The following DYM variants were observed in gnomAD, a reference collection of about 807,000 sequenced individuals.
The protein encoded by DYM is dymeclin.
Under a neutral mutation model 93.1 loss-of-function variants are expected in DYM, and 78 were observed. The ratio of observed to expected loss-of-function variants is 0.84; its 90% CI spans 0.70 to 1.01. The LOEUF (loss-of-function observed/expected upper bound fraction) is 1.01. Among genes scored for constraint, DYM ranks in the 50% least tolerant of loss-of-function variants. The pLI, the probability that DYM is intolerant of heterozygous loss-of-function variation, is 0.00. For synonymous variants in DYM, 321 were observed against 319.7 expected (o/e 1.00, Z -0.04); for missense variants, 789 against 845.0 (o/e 0.93, Z 0.82).
intron 2 of DYM, among the ~76,000 whole-genome samples, chr18:49,394,798 C>T (rs1263635295): frequency 2.0e-5 from 3 of 151,958 alleles, no homozygotes; most frequent in African/African-American, 7.3e-5. Context: ...AAATGTATTA[C>T]CTTATTTCTT....
In DYM at chr18:49,052,610, T is replaced by C. The variant is rs116069930; in HGVS notation, c.2026-8406A>G. ...TCCAACTTCTTCACTTGAGAGTGTC[T>C]TCATCTCTGCCATGGCCAACAAACC... On this transcript the variant is annotated intron_variant, in intron 17 of 17. Coordinates refer to ENST00000675505, the MANE Select transcript of DYM (RefSeq NM_001353214.3). Among the ~76,000 whole-genome samples the C allele has an allele frequency of 6.1e-3, 928 of 152,312 alleles. 8 individuals are homozygous for C. Among genetic ancestry groups the C allele is most frequent in the African/African-American group, 0.022 (894 of 41,572 alleles).
At chr18:49,147,431 T>G (rs191715306) in intron 15 of DYM, among the ~76,000 whole-genome samples, 1 of 152,156 alleles carries the variant, frequency 6.6e-6, no homozygotes, top group East Asian at 1.9e-4. Flanking sequence ...GGGAGAAAAT[T>G]TTTGCAGTCT....
intron 6 of DYM, among the ~76,000 whole-genome samples, chr18:49,346,292 T>C (rs529437703): frequency 6.6e-6 from 1 of 152,254 alleles, no homozygotes; most frequent in East Asian, 1.9e-4. Flanking sequence ...CTTTTCAGCA[T>C]AAAAAAGAAT....
chr18:49,135,407 C>T (rs1454146860), intron 15 of DYM, among the ~76,000 whole-genome samples: 1 of 152,126 alleles, frequency 6.6e-6, no homozygotes, highest in Non-Finnish European at 1.5e-5. Context: ...AATCCTTGTT[C>T]TACTATTTAC....
chr18:49,318,030 C>A (rs1177711365), intron 8 of DYM, among the ~76,000 whole-genome samples: 1 of 152,108 alleles, frequency 6.6e-6, no homozygotes, highest in Non-Finnish European at 1.5e-5. Flanking sequence ...ATAGACCCTA[C>A]CATCTCTCCA....
At chr18:49,209,877 A>C (rs1212441206) in intron 13 of DYM, among the ~76,000 whole-genome samples, 162 bp from the exon 14 acceptor site, 1 of 152,230 alleles carries the variant, frequency 6.6e-6, no homozygotes, top group Non-Finnish European at 1.5e-5. Flanking sequence ...GAAAATGAAC[A>C]ATCAGAATAA....
At chr18:49,371,727 T>C (rs562205903) in intron 5 of DYM, among the ~76,000 whole-genome samples, 1 of 152,344 alleles carries the variant, frequency 6.6e-6, no homozygotes, top group Non-Finnish European at 1.5e-5. Context: ...TAGTTTTGCC[T>C]AGGGCTGGCT....
chr18:49,140,444 CCA>C (rs1460821715), intron 15 of DYM, among the ~76,000 whole-genome samples: 5 of 152,212 alleles, frequency 3.3e-5, no homozygotes, highest in African/African-American at 9.6e-5. Flanking sequence ...GGAAATAATT[CCA>C]GTGTTATGAT....
chr18:49,335,156 A>G (rs1030621533), intron 6 of DYM, among the ~76,000 whole-genome samples: 7 of 152,260 alleles, frequency 4.6e-5, no homozygotes, highest in South Asian at 4.1e-4. Flanking sequence ...AAAATGACAT[A>G]TAAAAAAAGA....
intron 9 of DYM, among the ~76,000 whole-genome samples, chr18:49,285,544 C>G (rs143750045): frequency 5.4e-4 from 83 of 152,326 alleles, no homozygotes; most frequent in African/African-American, 1.9e-3. Flanking sequence ...CAAATACTTA[C>G]CACTGTGTTA....
intron 3 of DYM, among the ~76,000 whole-genome samples, chr18:49,380,582 T>A (rs2067952085): frequency 6.6e-6 from 1 of 152,226 alleles, no homozygotes; most frequent in African/African-American, 2.4e-5. Context: ...CCTTATCAAC[T>A]GGCTCAAATC....
intron 15 of DYM, among the ~76,000 whole-genome samples, chr18:49,120,398 G>C (rs768837029): frequency 6.6e-6 from 1 of 152,082 alleles, no homozygotes; most frequent in East Asian, 1.9e-4. Context: ...CTACACAAAC[G>C]TAAGTCAAAA....
intron 14 of DYM, among the ~76,000 whole-genome samples, chr18:49,186,845 T>C (rs1237270173): frequency 1.3e-5 from 2 of 151,474 alleles, no homozygotes; most frequent in Non-Finnish European, 2.9e-5. Flanking sequence ...TCAGAGGACA[T>C]AGGGACAAAC....
intron 17 of DYM, among the ~76,000 whole-genome samples, chr18:49,046,081 C>T (rs994093014): frequency 6.9e-5 from 10 of 145,846 alleles, no homozygotes; most frequent in Non-Finnish European, 9.0e-5. Flanking sequence ...GAGCTGCATG[C>T]GCGCACACAC....
intron 8 of DYM, among the ~76,000 whole-genome samples, chr18:49,296,116 A>G (rs1210080811): frequency 6.6e-6 from 1 of 152,132 alleles, no homozygotes; most frequent in Non-Finnish European, 1.5e-5. Context: ...TTTAGTAGAG[A>G]CAGGGTTTTG....
chr18:49,257,692 A>AG (rs538686463), intron 12 of DYM, among the ~76,000 whole-genome samples: 12 of 151,496 alleles, frequency 7.9e-5, no homozygotes, highest in Non-Finnish European at 1.5e-4. Context: ...TTAAAAAAAA[A>AG]AAAAAATTAG....
intron 6 of DYM, among the ~76,000 whole-genome samples, chr18:49,360,259 C>CAAAAA (rs5824786): frequency 8.7e-6 from 1 of 115,362 alleles, no homozygotes; most frequent in Non-Finnish European, 1.8e-5. Context: ...TCAATAAAGG[C>CAAAAA]AAAAAAAAAA....
intron 13 of DYM, among the ~76,000 whole-genome samples, chr18:49,235,670 C>G (rs142124329): frequency 3.3e-5 from 5 of 151,296 alleles, no homozygotes; most frequent in Admixed American, 1.3e-4. Context: ...TAATTACTTA[C>G]GAGATAGAAT....
intron 11 of DYM, among the ~76,000 whole-genome samples, chr18:49,270,873 G>C (rs1225487849): frequency 6.6e-6 from 1 of 152,114 alleles, no homozygotes; most frequent in Non-Finnish European, 1.5e-5. Flanking sequence ...AGAAAACAAA[G>C]TGTCTGTACC....
Sources: gnomAD v4.1 joint callset for allele counts (sites outside exome capture counted in the v4.1 genomes callset) on GRCh38, gnomAD v4.1.1 for gene constraint, MANE v1.5 for transcripts, NCBI Gene and HGNC (gene_info 2026-07-23, HGNC 2026-07-21) for gene names.